The following GPHN variants were observed in gnomAD, a reference collection of about 807,000 sequenced individuals.
GPHN encodes gephyrin.
Under a neutral mutation model 95.5 loss-of-function variants are expected in GPHN, and 17 were observed. The observed-to-expected ratio is 0.18, with a 90% CI of 0.12 to 0.27. The LOEUF is 0.27. GPHN is among the 10% of genes least tolerant of loss of function. The probability of loss-of-function intolerance (pLI) is 1.00; values close to 1 mark genes in which losing one functional copy is unlikely to be tolerated. For synonymous variants in GPHN, 320 were observed against 322.5 expected, an observed-to-expected ratio of 0.99 and a Z score of 0.08; for missense variants, 660 against 978.1, an observed-to-expected ratio of 0.67 and a Z score of 4.34.
the GPHN span, among the ~76,000 whole-genome samples, chr14:67,370,432 TG>T: frequency 2.6e-5 from 4 of 152,214 alleles, no homozygotes; most frequent in African/African-American, 7.2e-5. Context: ...ACTTGTTTTT[TG>T]TTTTTTTAAA....
At chr14:67,668,651 G>C in the GPHN span, among the ~76,000 whole-genome samples, 1 of 119,154 alleles carries the variant, frequency 8.4e-6, no homozygotes, top group African/African-American at 2.5e-5. Flanking sequence ...TGGTACTTAG[G>C]AAACACAGTG....
the GPHN span, among the ~76,000 whole-genome samples, chr14:67,369,726 C>G: frequency 6.6e-6 from 1 of 151,982 alleles, no homozygotes; most frequent in Non-Finnish European, 1.5e-5. Flanking sequence ...TATATTAAAG[C>G]CTTAAGGGAA....
chr14:67,489,683 A>G, the GPHN span, among the ~76,000 whole-genome samples: 5 of 152,182 alleles, frequency 3.3e-5, no homozygotes, highest in African/African-American at 1.2e-4. Context: ...GAAACATGTC[A>G]TCCCATCTTA....
intron 1 of GPHN, among the ~76,000 whole-genome samples, chr14:66,679,279 A>T (rs1025558393): frequency 6.6e-6 from 1 of 152,118 alleles, no homozygotes; most frequent in African/African-American, 2.4e-5. Context: ...TGTCTTCTGG[A>T]TTTGATAGTT....
At chr14:67,014,028 T>A (rs2073159645) in intron 9 of GPHN, among the ~76,000 whole-genome samples, 1 of 152,074 alleles carries the variant, frequency 6.6e-6, no homozygotes, top group African/African-American at 2.4e-5. Flanking sequence ...GAAAACTTCC[T>A]GTTCACATAC....
At chr14:67,726,097 G>A in the GPHN span, 4 of 1,614,026 alleles carry the variant, frequency 2.5e-6, no homozygotes, top group Non-Finnish European at 3.4e-6. Flanking sequence ...GAGTAATGAT[G>A]TGTCCATATT....
chr14:67,320,495 A>G, the GPHN span: 1 of 1,153,950 alleles, frequency 8.7e-7, no homozygotes, highest in Non-Finnish European at 1.2e-6. Flanking sequence ...ATTTCATTAA[A>G]ACACTGTTGT....
chr14:67,267,844 T>C, the GPHN span, among the ~76,000 whole-genome samples: 2 of 152,254 alleles, frequency 1.3e-5, no homozygotes. Context: ...AATGGAATCA[T>C]ACTCGTGTCT....
chr14:67,570,350 C>T, the GPHN span: 1 of 979,628 alleles, frequency 1.0e-6, no homozygotes, highest in Non-Finnish European at 1.2e-6. Context: ...TATATTCCAA[C>T]TTATATTCCC....
At chr14:67,695,812 G>C in the GPHN span, 17 of 1,005,652 alleles carry the variant, frequency 1.7e-5, no homozygotes, top group Non-Finnish European at 2.5e-5. Context: ...CCGGGGAGCA[G>C]ACCTTCTGGG....
the GPHN span, chr14:67,579,593 C>A: frequency 1.1e-6 from 1 of 916,656 alleles, no homozygotes; most frequent in South Asian, 1.7e-5. Context: ...AACACAGAAA[C>A]CAACTTGCTT....
chr14:67,707,059 A>G, the GPHN span, among the ~76,000 whole-genome samples: 29 of 152,352 alleles, frequency 1.9e-4, no homozygotes, highest in Middle Eastern at 3.4e-3. Context: ...CGGTTTATGT[A>G]TGTAAATAGG....
chr14:67,445,132 C>T, the GPHN span, among the ~76,000 whole-genome samples: 1 of 152,164 alleles, frequency 6.6e-6, no homozygotes, highest in African/African-American at 2.4e-5. Context: ...TTGCCCTTGG[C>T]ATCCCTCCTT....
the GPHN span, chr14:67,572,309 A>T: frequency 6.5e-7 from 1 of 1,539,862 alleles, no homozygotes. Flanking sequence ...GGCAGGGTGG[A>T]AGCAGAATGC....
chr14:67,484,705 CTTGAGCCCAGGAGT>C, the GPHN span, among the ~76,000 whole-genome samples: 28 of 152,094 alleles, frequency 1.8e-4, no homozygotes, highest in Middle Eastern at 3.2e-3. Flanking sequence ...GGGAGGACTG[CTTGAGCCCAGGAGT>C]TTGAGACCAG....
chr14:67,547,415 G>C, the GPHN span, among the ~76,000 whole-genome samples: 1 of 152,214 alleles, frequency 6.6e-6, no homozygotes, highest in Non-Finnish European at 1.5e-5. Context: ...TTCCCTAGCA[G>C]AGCCAAGACA....
the GPHN span, chr14:67,376,716 T>TA: frequency 1.1e-6 from 1 of 937,374 alleles, no homozygotes; most frequent in Non-Finnish European, 1.6e-6. Flanking sequence ...TATTGGCCAG[T>TA]AAATGGGCCA....
chr14:67,390,421 A>G, the GPHN span, among the ~76,000 whole-genome samples: 3 of 152,204 alleles, frequency 2.0e-5, no homozygotes, highest in African/African-American at 7.2e-5. Context: ...TGAAAATGAT[A>G]AAGATGCCCT....
chr14:67,352,892 T>C, the GPHN span: 1 of 1,465,748 alleles, frequency 6.8e-7, no homozygotes, highest in Admixed American at 2.0e-5. Context: ...TTTTCTAAAA[T>C]AAATACTATT....
Sources: gnomAD v4.1 joint callset for allele counts (sites outside exome capture counted in the v4.1 genomes callset) on GRCh38, gnomAD v4.1.1 for gene constraint, MANE v1.5 for transcripts, NCBI Gene and HGNC (gene_info 2026-07-23, HGNC 2026-07-21) for gene names.